PABIR3: variants seen among roughly 807,000 people sequenced by gnomAD.
The protein encoded by PABIR3 is PABIR family member 1.
Under a neutral mutation model 23.1 loss-of-function variants are expected in PABIR3, and 20 were observed. The observed-to-expected ratio is 0.86, with a 90% confidence interval of 0.61 to 1.26. The LOEUF (loss-of-function observed/expected upper bound fraction) is 1.26, where lower values mean the gene tolerates loss of function less well. Among genes scored for constraint, PABIR3 ranks in the 50% most tolerant of loss-of-function variants. PABIR3 has a pLI of 0.00. For synonymous variants in PABIR3, 69 were observed against 68.5 expected (o/e 1.01, Z -0.04); for missense variants, 189 against 195.4 (o/e 0.97, Z 0.20).
intron 4 of PABIR3, among the ~76,000 whole-genome samples, chrX:134,836,560 G>A (rs1186766589): frequency 1.8e-5 from 2 of 112,105 alleles, no homozygotes; most frequent in Non-Finnish European, 3.8e-5. Context: ...CTTGTTGATG[G>A]CTATCTTCAT....
chrX:134,858,690 A>G (rs1490592985), downstream of PABIR3, among the ~76,000 whole-genome samples: 1 of 111,997 alleles, frequency 8.9e-6, no homozygotes. Flanking sequence ...TCAGGGAACC[A>G]TAAGTACCCC....
chrX:134,838,033 A>G (rs891436197), intron 4 of PABIR3, among the ~76,000 whole-genome samples: 1 of 111,951 alleles, frequency 8.9e-6, no homozygotes, highest in Non-Finnish European at 1.9e-5. Context: ...CAAAATAGTC[A>G]CAGTTTTAAG....
At chrX:134,808,990 G>T (rs533065052) in intron 2 of PABIR3, among the ~76,000 whole-genome samples, 1 of 111,191 alleles carries the variant, frequency 9.0e-6, no homozygotes, top group Non-Finnish European at 1.9e-5. Flanking sequence ...CATACAGTAT[G>T]TACACAGATA....
chrX:134,858,089 C>T (rs1323661129), downstream of PABIR3, among the ~76,000 whole-genome samples: 1 of 111,455 alleles, frequency 9.0e-6, no homozygotes, highest in Non-Finnish European at 1.9e-5. Flanking sequence ...AAAGATAATA[C>T]TGAGATCATG....
At chrX:134,844,921 A>G (rs779740815) in intron 4 of PABIR3, among the ~76,000 whole-genome samples, 2 of 112,116 alleles carry the variant, frequency 1.8e-5, no homozygotes, top group East Asian at 5.5e-4. Context: ...TATAATTTTG[A>G]ATGCTTAATG....
upstream of PABIR3, chrX:134,807,006 AAG>A (rs748852897): frequency 1.1e-4 from 20 of 182,312 alleles, no homozygotes; most frequent in Middle Eastern, 2.9e-3. Context: ...GGGTTAGTAA[AAG>A]AGTAGAGGCA....
chrX:134,799,283 A>G (rs1434703043), intron 1 of PABIR3, among the ~76,000 whole-genome samples: 1 of 112,326 alleles, frequency 8.9e-6, no homozygotes, highest in African/African-American at 3.2e-5. Context: ...CAAAAAATGA[A>G]GGAGAGAGTT....
At chrX:134,803,673 T>C (rs1242251483), upstream of PABIR3, among the ~76,000 whole-genome samples, 1 of 111,652 alleles carries the variant, frequency 9.0e-6, no homozygotes, top group Non-Finnish European at 1.9e-5. Context: ...GCAACTTAGG[T>C]ATCTCTTTTT....
the PABIR3 span, among the ~76,000 whole-genome samples, chrX:134,862,322 G>A: frequency 9.2e-6 from 1 of 109,185 alleles, no homozygotes; most frequent in Non-Finnish European, 1.9e-5. Context: ...GCTAATTTTT[G>A]TATTTTTAGT....
intron 4 of PABIR3, 86 bp from the exon 5 acceptor site, chrX:134,845,119 A>T: frequency 1.3e-6 from 1 of 752,264 alleles, no homozygotes; most frequent in Non-Finnish European, 2.0e-6. Context: ...AGTGAATAAA[A>T]ATAATGGTGC....
chrX:134,863,065 T>G, the PABIR3 span, among the ~76,000 whole-genome samples: 1 of 111,781 alleles, frequency 8.9e-6, no homozygotes, highest in Middle Eastern at 4.2e-3. Flanking sequence ...ATCAATATGT[T>G]TAAAGTGTGG....
At chrX:134,819,186 C>T (rs1038631410) in intron 3 of PABIR3, among the ~76,000 whole-genome samples, 12 of 110,352 alleles carry the variant, frequency 1.1e-4, no homozygotes, top group Non-Finnish European at 2.3e-4. Flanking sequence ...CCGCCTGCCT[C>T]GGCCTCCCAA....
In PABIR3 at chrX:134,819,600, A is replaced by G. The variant is rs532920274; in HGVS notation, c.189+4751A>G. On this transcript the variant is annotated intron_variant, in intron 3 of 10. Coordinates refer to ENST00000645433, the MANE Select transcript of PABIR3 (RefSeq NM_001388447.1). Reference sequence around the variant, plus strand: ...TAAAATCCAATTAGAAGAGACTTAAACAGCCTGGGCGAGGTGACTCAGGCC... The same window carrying G: ...TAAAATCCAATTAGAAGAGACTTAAGCAGCCTGGGCGAGGTGACTCAGGCC... Among the ~76,000 whole-genome samples the G allele has an allele frequency of 1.7e-4, 19 of 111,725 alleles. No individual in the cohort carries two copies. In the South Asian group the frequency reaches 5.6e-3, roughly 33 times the overall value.
intron 4 of PABIR3, among the ~76,000 whole-genome samples, chrX:134,841,356 T>C (rs1390127270): frequency 2.7e-5 from 3 of 111,589 alleles, no homozygotes; most frequent in Admixed American, 9.6e-5. Flanking sequence ...ATCTTTAAAC[T>C]CTTTTGATCA....
intron 2 of PABIR3, chrX:134,809,568 T>C: frequency 6.6e-6 from 5 of 753,348 alleles, no homozygotes; most frequent in Non-Finnish European, 7.8e-6. Flanking sequence ...AAAAATGCAT[T>C]CACTACATAT....
chrX:134,806,014 A>G (rs2080215056), upstream of PABIR3, among the ~76,000 whole-genome samples: 1 of 112,567 alleles, frequency 8.9e-6, no homozygotes, highest in Non-Finnish European at 1.9e-5. Flanking sequence ...TATGGTTACT[A>G]AAATGTGTGG....
At chrX:134,807,407 CCTAA>C in intron 1 of PABIR3, 66 bp downstream of exon 1, 1 of 1,013,955 alleles carries the variant, frequency 9.9e-7, no homozygotes, top group Non-Finnish European at 1.3e-6. Context: ...GCCAGTTCTG[CCTAA>C]CTTTGTGTTC....
chrX:134,850,037 T>C (rs1603247648), intron 9 of PABIR3, among the ~76,000 whole-genome samples: 1 of 107,881 alleles, frequency 9.3e-6, no homozygotes, highest in African/African-American at 3.4e-5. Context: ...CATGCCCAGC[T>C]AATTTTTTTG....
At chrX:134,850,316 G>A (rs1478805174) in intron 9 of PABIR3, among the ~76,000 whole-genome samples, 1 of 111,439 alleles carries the variant, frequency 9.0e-6, no homozygotes, top group Non-Finnish European at 1.9e-5. Context: ...ATGCTTTAAT[G>A]TTCTTTGTAT....
Sources: gnomAD v4.1 joint callset for allele counts (sites outside exome capture counted in the v4.1 genomes callset) on GRCh38, gnomAD v4.1.1 for gene constraint, MANE v1.5 for transcripts, NCBI Gene and HGNC (gene_info 2026-07-23, HGNC 2026-07-21) for gene names.